DCAF6: variants seen among roughly 807,000 people sequenced by gnomAD.
DCAF6 encodes DDB1 and CUL4 associated factor 6.
A neutral mutation model predicts 125.1 loss-of-function variants in DCAF6; 54 were observed. That is an observed-to-expected ratio of 0.43 (90% CI 0.35 to 0.54). DCAF6 has a LOEUF of 0.54. Among genes scored for constraint, DCAF6 ranks in the 20% least tolerant of loss-of-function variants. DCAF6 has a pLI of 0.01. For synonymous variants in DCAF6, 371 were observed against 390.4 expected (o/e 0.95, Z 0.58); for missense variants, 934 against 1,161.7 (o/e 0.80, Z 2.85).
chr1:167,921,260 T>C, the DCAF6 span, among the ~76,000 whole-genome samples: 1 of 152,078 alleles, frequency 6.6e-6, no homozygotes, highest in Admixed American at 6.5e-5. Context: ...TCTCACTCTG[T>C]CACCCAGGTT....
chr1:168,056,228 G>A (rs1690758746), intron 17 of DCAF6: 1 of 1,612,356 alleles, frequency 6.2e-7, no homozygotes, highest in South Asian at 1.1e-5. Context: ...CTGTTCCAAT[G>A]CCATTTTCTG....
At chr1:167,968,453 G>A (rs1676789354) in intron 3 of DCAF6, 1 of 152,274 alleles carries the variant, frequency 6.6e-6, no homozygotes, top group South Asian at 2.1e-4. Flanking sequence ...AACTTGTTGC[G>A]AATTCCCCTC....
intron 12 of DCAF6, among the ~76,000 whole-genome samples, chr1:168,035,992 G>A (rs746392127): frequency 3.9e-4 from 59 of 152,072 alleles, no homozygotes; most frequent in Non-Finnish European, 7.5e-4. Context: ...AACCCGGGAG[G>A]CGGAGCTTGC....
chr1:167,888,449 T>C, the DCAF6 span, among the ~76,000 whole-genome samples: 1 of 152,180 alleles, frequency 6.6e-6, no homozygotes, highest in Non-Finnish European at 1.5e-5. Context: ...TGTGTCAACA[T>C]TTTATAGTTT....
chr1:167,863,826 C>A, the DCAF6 span, among the ~76,000 whole-genome samples: 1 of 152,266 alleles, frequency 6.6e-6, no homozygotes, highest in Non-Finnish European at 1.5e-5. Flanking sequence ...GGAGTCCGGA[C>A]AACTAAAACT....
chr1:167,887,571 G>T, the DCAF6 span, among the ~76,000 whole-genome samples: 3 of 152,098 alleles, frequency 2.0e-5, no homozygotes. Flanking sequence ...GGGAGGGATA[G>T]CATTAGGAGA....
intron 7 of DCAF6, among the ~76,000 whole-genome samples, 183 bp from the exon 8 acceptor site, chr1:168,002,299 T>C (rs1377823312): frequency 6.6e-6 from 1 of 152,170 alleles, no homozygotes; most frequent in Non-Finnish European, 1.5e-5. Context: ...TGGATATTTA[T>C]CCTCAGAATG....
In DCAF6 at chr1:167,991,009, A is replaced by G. The variant is rs377241854; in HGVS notation, c.553-195A>G. Among the ~76,000 whole-genome samples the G allele has an allele frequency of 7.8e-4, 119 of 152,296 alleles. 1 individual carries two copies. In the South Asian group the frequency reaches 0.023, roughly 29 times the overall value. ...TTTTGATTTCACATAGGCTGAATGT[A>G]TTAGAAATATTTCTAGTAGAAATCC... On this transcript the variant is annotated intron_variant, in intron 5 of 21. Coordinates refer to ENST00000367840, the MANE Select transcript of DCAF6 (RefSeq NM_001198956.2).
intron 10 of DCAF6, among the ~76,000 whole-genome samples, chr1:168,015,530 TTTAA>T (rs1684848963): frequency 6.6e-6 from 1 of 152,194 alleles, no homozygotes; most frequent in African/African-American, 2.4e-5. Flanking sequence ...TTCCATTTGG[TTTAA>T]TTACTTAAAT....
chr1:167,904,817 A>G, the DCAF6 span: 15 of 775,486 alleles, frequency 1.9e-5, no homozygotes, highest in Non-Finnish European at 3.3e-5. Context: ...GGAGGATGAG[A>G]GAGAGCCAGG....
intron 1 of DCAF6, among the ~76,000 whole-genome samples, chr1:167,944,677 T>A (rs919658796): frequency 6.6e-6 from 1 of 152,226 alleles, no homozygotes; most frequent in African/African-American, 2.4e-5. Context: ...TTGAATCGTT[T>A]GAGTTCCTTG....
At chr1:168,018,655 A>G (rs186112307) in intron 11 of DCAF6, among the ~76,000 whole-genome samples, 152 of 152,344 alleles carry the variant, frequency 1.0e-3, no homozygotes, top group African/African-American at 3.5e-3. Flanking sequence ...AAATATTTTC[A>G]CTTGTTAGTT....
Position 168,066,489 on chromosome 1 carries a change from A to G in DCAF6, c.2685+24A>G, listed in dbSNP as rs200434209. On this transcript the variant is annotated intron_variant, in intron 20 of 21. Coordinates refer to ENST00000367840, the MANE Select transcript of DCAF6 (RefSeq NM_001198956.2). ...AAGTAAGATTTTTATTGTACTTACT[A>G]TAGACCATATTTCAATTTGTTCCTA... The G allele has an allele frequency of 2.8e-6, 4 of 1,427,226 alleles. No individual in the cohort carries two copies. In the South Asian group the frequency reaches 3.7e-5, roughly 13 times the overall value. 88.4% of individuals were successfully genotyped at this position (1,427,226 alleles called of 1,614,324 possible).
At chr1:167,880,470 G>A in the DCAF6 span, 13 of 1,553,706 alleles carry the variant, frequency 8.4e-6, no homozygotes, top group Non-Finnish European at 9.8e-6. Context: ...ACCGCTGGGT[G>A]GGACCAGGGT....
chr1:167,968,017 C>T (rs1474861493), intron 3 of DCAF6, among the ~76,000 whole-genome samples: 1 of 152,098 alleles, frequency 6.6e-6, no homozygotes, highest in Non-Finnish European at 1.5e-5. Flanking sequence ...AGGCATGAGC[C>T]ACCACGCCCA....
At chr1:167,965,854 C>T (rs202242) in intron 2 of DCAF6, among the ~76,000 whole-genome samples, 128 of 152,194 alleles carry the variant, frequency 8.4e-4, no homozygotes, top group African/African-American at 2.9e-3. Flanking sequence ...AGGCTGGTCT[C>T]GAACCTCTGA....
chr1:167,891,116 C>T, the DCAF6 span, among the ~76,000 whole-genome samples: 205 of 152,050 alleles, frequency 1.3e-3, 3 homozygotes, highest in East Asian at 0.034. Flanking sequence ...TGTGTGCCAC[C>T]GCGCCTGGCT....
chr1:167,912,055 A>T, the DCAF6 span, among the ~76,000 whole-genome samples: 45 of 152,232 alleles, frequency 3.0e-4, no homozygotes, highest in African/African-American at 9.9e-4. Context: ...TTGAAGATAT[A>T]GTTTTCTGCT....
At chr1:168,032,641 T>G (rs190172597) in intron 12 of DCAF6, among the ~76,000 whole-genome samples, 1 of 152,306 alleles carries the variant, frequency 6.6e-6, no homozygotes, top group African/African-American at 2.4e-5. Context: ...TATAATGAAG[T>G]GGGAATTAGA....
Sources: gnomAD v4.1 joint callset for allele counts (sites outside exome capture counted in the v4.1 genomes callset) on GRCh38, gnomAD v4.1.1 for gene constraint, MANE v1.5 for transcripts, NCBI Gene and HGNC (gene_info 2026-07-23, HGNC 2026-07-21) for gene names.